Variants in HHLA2 observed in about 807,000 individuals in gnomAD.
HHLA2 encodes HHLA2 member of B7 family.
A neutral mutation model predicts 45.9 loss-of-function variants in HHLA2; 48 were observed. The observed-to-expected ratio is 1.05, with a 90% CI of 0.83 to 1.33. HHLA2 has a LOEUF of 1.33. Among genes scored for constraint, HHLA2 ranks in the 40% most tolerant of loss-of-function variants. The pLI, the probability that HHLA2 is intolerant of heterozygous loss-of-function variation, is 0.00. For missense variants in HHLA2, 462 were observed against 494.3 expected (o/e 0.93, Z 0.62); for synonymous variants, 161 against 173.9 (o/e 0.93, Z 0.59).
intron 1 of HHLA2, among the ~76,000 whole-genome samples, chr3:108,305,376 A>T (rs993965733): frequency 3.9e-5 from 6 of 152,194 alleles, no homozygotes; most frequent in African/African-American, 1.4e-4. Flanking sequence ...CGTAGCATTC[A>T]TCAGTGTGAA....
chr3:108,304,282 G>A (rs754592432), intron 1 of HHLA2, among the ~76,000 whole-genome samples: 1 of 152,134 alleles, frequency 6.6e-6, no homozygotes, highest in Non-Finnish European at 1.5e-5. Context: ...CCACAAATAT[G>A]GTGGCTTAAA....
chr3:108,325,825 A>G, intron 2 of HHLA2: 1 of 335,044 alleles, frequency 3.0e-6, no homozygotes, highest in Non-Finnish European at 5.8e-6. Context: ...CATTCCTACC[A>G]AAACTACCTC....
chr3:108,331,076 C>T (rs2081378412), intron 3 of HHLA2, among the ~76,000 whole-genome samples: 1 of 152,060 alleles, frequency 6.6e-6, no homozygotes, highest in Non-Finnish European at 1.5e-5. Flanking sequence ...TGTTTCAAAC[C>T]TGGGCATCCC....
intron 3 of HHLA2, among the ~76,000 whole-genome samples, chr3:108,329,353 G>C (rs1405509074): frequency 6.6e-6 from 1 of 152,100 alleles, no homozygotes; most frequent in Non-Finnish European, 1.5e-5. Context: ...ATCCTATAGG[G>C]GGTTTTATGA....
intron 3 of HHLA2, among the ~76,000 whole-genome samples, chr3:108,349,728 C>G (rs1202453109): frequency 6.6e-6 from 1 of 152,062 alleles, no homozygotes; most frequent in East Asian, 1.9e-4. Context: ...GAAGGAGAGA[C>G]AAAAAGAGTG....
intron 8 of HHLA2, among the ~76,000 whole-genome samples, chr3:108,363,668 C>T (rs1179248046): frequency 1.3e-5 from 2 of 152,078 alleles, no homozygotes; most frequent in East Asian, 1.9e-4. Flanking sequence ...GAAGATCAAC[C>T]GTTGACCTAA....
At chr3:108,328,236 C>T (rs2081322978) in intron 2 of HHLA2, 2 of 1,075,618 alleles carry the variant, frequency 1.9e-6, no homozygotes, top group Non-Finnish European at 2.6e-6. Context: ...CATTGATACT[C>T]TGGAATCACC....
intron 2 of HHLA2, chr3:108,326,312 G>A (rs1446019469): frequency 6.4e-6 from 1 of 155,074 alleles, no homozygotes; most frequent in Non-Finnish European, 1.4e-5. Flanking sequence ...TGGACTTACA[G>A]TTCCACGTGG....
At chr3:108,314,267 T>C (rs2081066952) in intron 2 of HHLA2, among the ~76,000 whole-genome samples, 1 of 151,716 alleles carries the variant, frequency 6.6e-6, no homozygotes, top group Non-Finnish European at 1.5e-5. Context: ...ACTGTAGCAC[T>C]GCATTCCATA....
intron 1 of HHLA2, among the ~76,000 whole-genome samples, chr3:108,299,720 C>T (rs1466265058): frequency 6.6e-6 from 1 of 152,132 alleles, no homozygotes; most frequent in Non-Finnish European, 1.5e-5. Context: ...GCAAGCATTT[C>T]TTAAATATTT....
intron 8 of HHLA2, among the ~76,000 whole-genome samples, chr3:108,366,192 G>A (rs781628424): frequency 1.3e-5 from 2 of 152,168 alleles, no homozygotes; most frequent in Non-Finnish European, 2.9e-5. Flanking sequence ...GCATGAAGTG[G>A]TGTTGAATTT....
rs538488420 is a variant in HHLA2 at position 108,336,868 on chromosome 3, A to G, written c.-27+8521A>G. On this transcript the variant is annotated intron_variant, in intron 3 of 10. Transcript: ENST00000619531. ...CATTATGGGTAATATCAAAGAGAAT[A>G]CCTAATACCAGTTCTGGGTTCTGGC... is the stretch of plus-strand genomic sequence containing the variant. Among the ~76,000 whole-genome samples, 69 of 152,026 alleles carry G rather than the reference A, an allele frequency of 4.5e-4. 2 individuals carry two copies. In the South Asian group the frequency reaches 6.4e-3, roughly 14 times the overall value.
chr3:108,339,239 C>G (rs909342248), intron 3 of HHLA2, among the ~76,000 whole-genome samples: 1 of 152,128 alleles, frequency 6.6e-6, no homozygotes, highest in Non-Finnish European at 1.5e-5. Context: ...ATAAGACTCA[C>G]AAAAAGGTCA....
At chr3:108,338,435 A>T (rs1302008708) in intron 3 of HHLA2, among the ~76,000 whole-genome samples, 1 of 152,038 alleles carries the variant, frequency 6.6e-6, no homozygotes, top group East Asian at 1.9e-4. Flanking sequence ...GAAGCATGGG[A>T]ACCAAGTTAT....
chr3:108,357,957 A>G, exon 7 of HHLA2: 2 of 1,613,748 alleles, frequency 1.2e-6, no homozygotes, highest in Non-Finnish European at 1.7e-6. Flanking sequence ...GAAAAGTGGG[A>G]CTTTCTCTGT....
At chr3:108,354,427 T>G (rs1420211017) in intron 5 of HHLA2, among the ~76,000 whole-genome samples, 3 of 151,890 alleles carry the variant, frequency 2.0e-5, no homozygotes, top group African/African-American at 7.2e-5. Context: ...ATAGTTACAT[T>G]GAACCAAACA....
At chr3:108,359,265 A>G (rs1463806382) in intron 7 of HHLA2, among the ~76,000 whole-genome samples, 1 of 152,110 alleles carries the variant, frequency 6.6e-6, no homozygotes, top group Non-Finnish European at 1.5e-5. Context: ...CAGTTCACAC[A>G]AAGTGAAACA....
At chr3:108,302,199 TTGAAAG>T (rs1316819169) in intron 1 of HHLA2, among the ~76,000 whole-genome samples, 2 of 152,182 alleles carry the variant, frequency 1.3e-5, no homozygotes, top group Non-Finnish European at 2.9e-5. Flanking sequence ...ATAAATGAGT[TTGAAAG>T]AGAAAATACC....
chr3:108,298,521 A>G (rs1036673392), intron 1 of HHLA2, among the ~76,000 whole-genome samples: 7 of 152,214 alleles, frequency 4.6e-5, no homozygotes, highest in Non-Finnish European at 1.0e-4. Flanking sequence ...CACCATCTTC[A>G]GTAAAATGCA....
Sources: gnomAD v4.1 joint callset for allele counts (sites outside exome capture counted in the v4.1 genomes callset) on GRCh38, gnomAD v4.1.1 for gene constraint, MANE v1.5 for transcripts, NCBI Gene and HGNC (gene_info 2026-07-23, HGNC 2026-07-21) for gene names.